Variants in CDC40 observed in about 807,000 individuals in gnomAD.
CDC40 encodes pre-mRNA-processing factor 17.
CDC40 carries 27 observed loss-of-function variants against 80.6 expected under a neutral mutation model. The ratio of observed to expected loss-of-function variants is 0.33; its 90% confidence interval spans 0.25 to 0.46. CDC40 has a LOEUF of 0.46. CDC40 is among the 20% of genes least tolerant of loss of function. The pLI is 1.00. For synonymous variants in CDC40, 221 were observed against 232.6 expected, an observed-to-expected ratio of 0.95 and a Z score of 0.45; for missense variants, 486 against 694.1, an observed-to-expected ratio of 0.70 and a Z score of 3.37.
intron 1 of CDC40, among the ~76,000 whole-genome samples, chr6:110,184,094 T>C (rs1777234303): frequency 6.6e-6 from 1 of 152,234 alleles, no homozygotes; most frequent in Admixed American, 6.5e-5. Context: ...GAAAATATTC[T>C]CTTGTATTAT....
At chr6:110,204,697 C>T (rs937660256) in intron 3 of CDC40, among the ~76,000 whole-genome samples, 1 of 136,016 alleles carries the variant, frequency 7.4e-6, no homozygotes, top group African/African-American at 2.8e-5. Context: ...GGATCTCGCT[C>T]TGTCACTCAG....
At chr6:110,206,345 G>A (rs1268173659) in intron 3 of CDC40, among the ~76,000 whole-genome samples, 1 of 152,156 alleles carries the variant, frequency 6.6e-6, no homozygotes, top group Non-Finnish European at 1.5e-5. Flanking sequence ...AATGGGCTTA[G>A]TACTTTTTTA....
At chr6:110,220,571 A>C (rs2114670179) in intron 12 of CDC40, among the ~76,000 whole-genome samples, 1 of 151,276 alleles carries the variant, frequency 6.6e-6, no homozygotes, top group African/African-American at 2.4e-5. Flanking sequence ...CAGCCTCCCA[A>C]GTAGCTGGGA....
intron 4 of CDC40, among the ~76,000 whole-genome samples, chr6:110,208,270 T>C (rs1384539376): frequency 6.6e-6 from 1 of 152,204 alleles, no homozygotes; most frequent in Non-Finnish European, 1.5e-5. Flanking sequence ...TTTAACAGGC[T>C]TTTGCTATAA....
intron 14 of CDC40, 63 bp from the exon 15 acceptor site, chr6:110,229,891 C>T: frequency 8.4e-6 from 9 of 1,076,700 alleles, no homozygotes; most frequent in Non-Finnish European, 1.3e-5. Flanking sequence ...GTCCCTATTC[C>T]TCATTCGCCT....
chr6:110,229,844 T>C (rs1333279588), intron 14 of CDC40, 110 bp from the exon 15 acceptor site: 6 of 657,346 alleles, frequency 9.1e-6, no homozygotes, highest in Non-Finnish European at 1.6e-5. Flanking sequence ...TATATTTGCA[T>C]TGGATTTTTT....
At chr6:110,222,437 A>G (rs1486996160) in intron 12 of CDC40, among the ~76,000 whole-genome samples, 1 of 149,870 alleles carries the variant, frequency 6.7e-6, no homozygotes, top group Admixed American at 6.6e-5. Flanking sequence ...GGCGCGTGTA[A>G]TCCCAGCTAC....
At chr6:110,187,352 C>G (rs767659131) in intron 1 of CDC40, among the ~76,000 whole-genome samples, 1 of 152,162 alleles carries the variant, frequency 6.6e-6, no homozygotes, top group African/African-American at 2.4e-5. Flanking sequence ...TTACTTCCCC[C>G]GAATGTATTC....
intron 2 of CDC40, 137 bp from the exon 3 acceptor site, chr6:110,201,421 G>C: frequency 1.8e-6 from 1 of 557,864 alleles, no homozygotes; most frequent in East Asian, 3.1e-5. Context: ...GCACTGAACC[G>C]TATCAGGCTA....
Position 110,212,283 on chromosome 6 carries a change from TG to T in CDC40, c.867+13del. 1 of 1,613,080 alleles carries T rather than the reference TG, an allele frequency of 6.2e-7. No homozygotes were observed. The highest frequency in any genetic ancestry group is 8.5e-7 in the Non-Finnish European group (1 of 1,179,614). On this transcript the variant is annotated intron_variant, in intron 7 of 14. Coordinates refer to ENST00000307731, the MANE Select transcript of CDC40 (RefSeq NM_015891.3). ...TCTGGACACACAAAGGTAAGCAAGT[TG>T]GTTGTTTCTGTTTGCTGTAATGTTA...
chr6:110,225,466 T>TA (rs1290263443), intron 12 of CDC40, among the ~76,000 whole-genome samples: 4 of 150,478 alleles, frequency 2.7e-5, no homozygotes, highest in African/African-American at 9.8e-5. Flanking sequence ...TTTTTTTTTT[T>TA]ATGTTTTTTC....
At chr6:110,220,670 T>A (rs7775237) in intron 12 of CDC40, among the ~76,000 whole-genome samples, 1 of 151,962 alleles carries the variant, frequency 6.6e-6, no homozygotes, top group Non-Finnish European at 1.5e-5. Flanking sequence ...TGGTCTCGAT[T>A]TCCTGACCTT....
chr6:110,215,790 C>G (rs888303182), intron 9 of CDC40, among the ~76,000 whole-genome samples: 2 of 152,054 alleles, frequency 1.3e-5, no homozygotes, highest in Admixed American at 1.3e-4. Context: ...TAGGGCAAGC[C>G]TGGAGGAAGG....
At position 110,181,769 on chromosome 6, in the gene CDC40, A is replaced by G. The variant is rs184904389; in HGVS notation, c.189+1136A>G. On this transcript the variant is annotated intron_variant, in intron 1 of 14. Transcript: ENST00000307731. ...CAGTCTGGCCCTATCCTCTTGGGAAACTACTGTCTGTGAGTGATGTCCCAG... is the reference window on the plus strand; with the variant it reads ...CAGTCTGGCCCTATCCTCTTGGGAAGCTACTGTCTGTGAGTGATGTCCCAG... 2.1e-3 allele frequency among the ~76,000 whole-genome samples: 326 copies of G among 152,258 alleles called. 1 individual carries two copies. Among genetic ancestry groups the G allele is most frequent in the African/African-American group, 7.6e-3 (314 of 41,548 alleles).
At chr6:110,210,595 G>C (rs928203013) in intron 5 of CDC40, 112 bp from the exon 6 acceptor site, 8 of 396,612 alleles carry the variant, frequency 2.0e-5, no homozygotes, top group Non-Finnish European at 3.6e-5. Flanking sequence ...GTTATCCTGG[G>C]AACATACTCG....
chr6:110,220,162 A>G (rs1047706864), intron 12 of CDC40, among the ~76,000 whole-genome samples: 2 of 152,110 alleles, frequency 1.3e-5, no homozygotes, highest in Non-Finnish European at 2.9e-5. Context: ...TTTATTAGGT[A>G]CCTTATTCAT....
chr6:110,183,520 A>G (rs922039717), intron 1 of CDC40, among the ~76,000 whole-genome samples: 1 of 152,188 alleles, frequency 6.6e-6, no homozygotes, highest in Non-Finnish European at 1.5e-5. Flanking sequence ...AGCTGGGGCT[A>G]GTCCACCCAG....
intron 12 of CDC40, among the ~76,000 whole-genome samples, chr6:110,220,746 G>A (rs1209669151): frequency 6.6e-6 from 1 of 152,126 alleles, no homozygotes; most frequent in Non-Finnish European, 1.5e-5. Context: ...CACCCAGCCA[G>A]AAAGGCACTT....
Position 110,217,757 on chromosome 6 carries a change from C to G in CDC40, c.1044C>G (p.Leu348=). 6.2e-7 allele frequency: 1 copy of G among 1,607,462 alleles called. No individual in the cohort carries two copies. Among genetic ancestry groups the G allele is most frequent in the Non-Finnish European group, 8.5e-7 (1 of 1,174,026 alleles). Residue 348 remains leucine, a synonymous_variant, in exon 10 of 15, where the codon CTC becomes CTG. Transcript: ENST00000307731. ...ICFNTAGTQF[L]SAAYDRYLKL... ...TCAATACTGCAGGAACACAGTTCCTCAGTGCAGCCTATGACAGGTATCTTA... is the reference window on the plus strand; with the variant it reads ...TCAATACTGCAGGAACACAGTTCCTGAGTGCAGCCTATGACAGGTATCTTA...
Sources: gnomAD v4.1 joint callset for allele counts (sites outside exome capture counted in the v4.1 genomes callset) on GRCh38, gnomAD v4.1.1 for gene constraint, MANE v1.5 for transcripts, NCBI Gene and HGNC (gene_info 2026-07-23, HGNC 2026-07-21) for gene names.